PCDHA9: variants seen among roughly 807,000 people sequenced by gnomAD.
The protein encoded by PCDHA9 is protocadherin alpha-9.
Under a neutral mutation model 62.0 loss-of-function variants are expected in PCDHA9, and 62 were observed. The ratio of observed to expected loss-of-function variants is 1.00; its 90% CI spans 0.81 to 1.23. The LOEUF is 1.23. Among genes scored for constraint, PCDHA9 ranks in the 50% most tolerant of loss-of-function variants. The probability of loss-of-function intolerance (pLI) is 0.00; values close to 1 mark genes in which losing one functional copy is unlikely to be tolerated. For missense variants in PCDHA9, 1,205 were observed against 1,249.8 expected (o/e 0.96, Z 0.54); for synonymous variants, 557 against 567.6 (o/e 0.98, Z 0.27).
Position 140,858,037 on chromosome 5 carries a change from T to G in PCDHA9, c.2394+7148T>G, listed in dbSNP as rs782428899. On this transcript the variant is annotated intron_variant, in intron 1 of 3. Coordinates refer to ENST00000532602, the MANE Select transcript of PCDHA9 (RefSeq NM_031857.2). The stretch of plus-strand genomic sequence containing the variant: ...AGCCGTCGCTGACGGCCACGGCCAC[T>G]GTGCTTGTGTCGCTTGTGGAGGGCA... 6 of 1,596,390 alleles carry G rather than the reference T, an allele frequency of 3.8e-6. 1 individual carries two copies. The highest frequency in any genetic ancestry group is 5.1e-6 in the Non-Finnish European group (6 of 1,167,344).
intron 1 of PCDHA9, chr5:140,877,194 A>G (rs1350324855): frequency 1.2e-6 from 2 of 1,613,646 alleles, no homozygotes; most frequent in Non-Finnish European, 1.7e-6. Context: ...GCAGCGCAGG[A>G]GGCGCAGTTA....
intron 1 of PCDHA9, chr5:140,871,528 T>G: frequency 2.0e-6 from 3 of 1,530,602 alleles, no homozygotes; most frequent in Non-Finnish European, 2.6e-6. Context: ...TATCAGGAAG[T>G]GTATGTGAAA....
rs782094851 is a variant in PCDHA9, at chr5:140,857,519, T to C, written c.2394+6630T>C. 175 of 1,597,972 alleles carry C rather than the reference T, an allele frequency of 1.1e-4. 14 individuals are homozygous for C. The highest frequency in any genetic ancestry group is 1.4e-4 in the Non-Finnish European group (163 of 1,167,816). On this transcript the variant is annotated intron_variant, in intron 1 of 3. Coordinates refer to ENST00000532602, the MANE Select transcript of PCDHA9 (RefSeq NM_031857.2). ...CGCGCAGGAGAACGCCCTGGTGTCCTACTCTCTGGTGGAGCGGCGGTTGGG... is the reference window on the plus strand; with the variant it reads ...CGCGCAGGAGAACGCCCTGGTGTCCCACTCTCTGGTGGAGCGGCGGTTGGG...
At chr5:140,990,354 G>GA (rs1554251439) in intron 3 of PCDHA9, among the ~76,000 whole-genome samples, 1 of 152,158 alleles carries the variant, frequency 6.6e-6, no homozygotes, top group Non-Finnish European at 1.5e-5. Context: ...GCCCTGTACA[G>GA]AAAATCTAAT....
chr5:140,932,750 GGAAA>G (rs1554209054), intron 1 of PCDHA9, among the ~76,000 whole-genome samples: 1 of 151,518 alleles, frequency 6.6e-6, no homozygotes, highest in Non-Finnish European at 1.5e-5. Flanking sequence ...TCAGTAAAAA[GGAAA>G]GAAAAAGAAC....
intron 1 of PCDHA9, chr5:140,870,322 G>A (rs1554164069): frequency 6.2e-7 from 1 of 1,614,086 alleles, no homozygotes; most frequent in African/African-American, 1.3e-5. Flanking sequence ...CTACTCGTTG[G>A]TGCTGGACAG....
At chr5:140,877,708 G>A in intron 1 of PCDHA9, 12 of 1,614,072 alleles carry the variant, frequency 7.4e-6, no homozygotes, top group Non-Finnish European at 1.0e-5. Flanking sequence ...CAGCGCCGTG[G>A]GGAGTTGGTC....
chr5:140,862,825 C>T (rs782012901), intron 1 of PCDHA9: 2 of 572,056 alleles, frequency 3.5e-6, no homozygotes, highest in Non-Finnish European at 6.7e-6. Context: ...GGTGAGAGCG[C>T]GCGACGCGGG....
At chr5:140,870,819 G>A (rs1365807310) in intron 1 of PCDHA9, 2 of 1,613,712 alleles carry the variant, frequency 1.2e-6, no homozygotes, top group Admixed American at 3.3e-5. Flanking sequence ...CTGGCAGCGC[G>A]GGAGGCGCAG....
chr5:140,952,416 G>T (rs114343205), intron 1 of PCDHA9, among the ~76,000 whole-genome samples: 1 of 151,730 alleles, frequency 6.6e-6, no homozygotes, highest in Non-Finnish European at 1.5e-5. Context: ...TTAATGTTCC[G>T]CAGATTCCTA....
At chr5:140,939,243 T>C (rs1414943094) in intron 1 of PCDHA9, among the ~76,000 whole-genome samples, 1 of 152,168 alleles carries the variant, frequency 6.6e-6, no homozygotes, top group Non-Finnish European at 1.5e-5. Context: ...AGGAGCAAGG[T>C]AGCTCTCTGG....
intron 1 of PCDHA9, chr5:140,875,488 C>G: frequency 3.7e-6 from 6 of 1,612,568 alleles, no homozygotes; most frequent in Non-Finnish European, 5.1e-6. Flanking sequence ...GATTATCGGA[C>G]CAAGAGGCCC....
At chr5:140,882,452 C>A (rs782448323) in intron 1 of PCDHA9, 1 of 1,614,042 alleles carries the variant, frequency 6.2e-7, no homozygotes, top group East Asian at 2.2e-5. Context: ...GCTGGTGCCG[C>A]GCCTGTTCCG....
At chr5:140,926,982 G>A (rs1554203886) in intron 1 of PCDHA9, 1 of 1,610,398 alleles carries the variant, frequency 6.2e-7, no homozygotes, top group East Asian at 2.2e-5. Flanking sequence ...CGGAGGAGAC[G>A]GAGCGGGGCG....
chr5:140,854,223 C>T, intron 1 of PCDHA9: 3 of 631,588 alleles, frequency 4.7e-6, no homozygotes, highest in Non-Finnish European at 5.9e-6. Context: ...TGGACATCTA[C>T]ATTGGGATAT....
intron 3 of PCDHA9, among the ~76,000 whole-genome samples, chr5:140,989,866 T>G (rs2097364293): frequency 6.6e-6 from 1 of 152,012 alleles, no homozygotes; most frequent in South Asian, 2.1e-4. Flanking sequence ...GGAATCTTTC[T>G]CTGCCTCAGC....
intron 1 of PCDHA9, chr5:140,966,342 T>G: frequency 2.5e-6 from 1 of 395,470 alleles, no homozygotes; most frequent in Non-Finnish European, 4.4e-6. Flanking sequence ...AGGTCCAGGG[T>G]GAAGGAGATG....
At chr5:140,991,590 G>A (rs1211923014) in intron 3 of PCDHA9, among the ~76,000 whole-genome samples, 2 of 152,098 alleles carry the variant, frequency 1.3e-5, no homozygotes, top group Non-Finnish European at 2.9e-5. Context: ...ATTTCTACCT[G>A]AGCCCTCACT....
chr5:140,986,173 C>G (rs1459755039), intron 3 of PCDHA9, among the ~76,000 whole-genome samples: 1 of 152,202 alleles, frequency 6.6e-6, no homozygotes, highest in Non-Finnish European at 1.5e-5. Flanking sequence ...GCAGGATAAA[C>G]AAGTCAGGCA....
Sources: allele counts gnomAD v4.1 joint callset (sites outside exome capture counted in the v4.1 genomes callset), GRCh38; gene constraint gnomAD v4.1.1; transcripts MANE v1.5; gene names NCBI Gene and HGNC (gene_info 2026-07-23, HGNC 2026-07-21).